Variants in RGS3 observed in about 807,000 individuals in gnomAD.
The protein encoded by RGS3 is regulator of G-protein signalling 3.
RGS3 carries 80 observed loss-of-function variants against 132.6 expected under a neutral mutation model. The ratio of observed to expected loss-of-function variants is 0.60; its 90% confidence interval spans 0.50 to 0.73. RGS3 has a LOEUF of 0.73. Among genes scored for constraint, RGS3 ranks in the 30% least tolerant of loss-of-function variants. The pLI is 0.00. For synonymous variants in RGS3, 598 were observed against 620.6 expected (o/e 0.96, Z 0.54); for missense variants, 1,382 against 1,530.8 (o/e 0.90, Z 1.62).
rs143365351 is a variant in RGS3, at chr9:113,500,548, CAGTT to C, written c.897+2469_897+2472del. ...GTTTGACCATAACCTCTCCAGGCCT[CAGTT>C]TGTTTGTCAGTAAGATGAGGACGCT... On this transcript the variant is annotated intron_variant, in intron 10 of 24. Coordinates refer to ENST00000350696, the Ensembl canonical transcript of RGS3. Among the ~76,000 whole-genome samples, 1,339 of 152,250 alleles carry C rather than the reference CAGTT, an allele frequency of 8.8e-3. 17 individuals are homozygous for C. Among genetic ancestry groups the C allele is most frequent in the African/African-American group, 0.03 (1,266 of 41,534 alleles).
At chr9:113,526,957 A>C (rs566568434) in intron 17 of RGS3, among the ~76,000 whole-genome samples, 2 of 152,318 alleles carry the variant, frequency 1.3e-5, no homozygotes, top group South Asian at 4.1e-4. Flanking sequence ...TGTTTTCTAC[A>C]GCTGCAGCTC....
intron 3 of RGS3, among the ~76,000 whole-genome samples, chr9:113,468,945 A>G (rs1829735372): frequency 6.6e-6 from 1 of 151,782 alleles, no homozygotes; most frequent in Non-Finnish European, 1.5e-5. Context: ...TGTAGGCTCG[A>G]GAGGACTGCC....
chr9:113,584,230 CG>C lies in RGS3; in HGVS notation c.2820del (p.Thr941ArgfsTer66). ...GCGTGTGCAGAACTCGCTGCGGCGCCGGACGCACAGCGAGGGCAGCCTGCTG... is the reference window on the plus strand; with the variant it reads ...GCGTGTGCAGAACTCGCTGCGGCGCCGACGCACAGCGAGGGCAGCCTGCTG... On this transcript the variant is annotated frameshift_variant, in exon 20 of 25. Transcript: ENST00000350696. LOFTEE classifies it high-confidence loss of function. The C allele has an allele frequency of 6.2e-7, 1 of 1,612,454 alleles. No individual in the cohort carries two copies. The highest frequency in any genetic ancestry group is 1.3e-5 in the African/African-American group (1 of 74,706).
chr9:113,479,658 T>A, intron 4 of RGS3, 117 bp downstream of exon 2: 1 of 892,804 alleles, frequency 1.1e-6, no homozygotes, highest in Non-Finnish European at 1.8e-6. Context: ...CTCATCCTTG[T>A]ATAAAGGATG....
chr9:113,506,345 T>C lies in RGS3; in HGVS notation c.980-43T>C. ...GACTCCAGATCCTTTGAAGGGGTCT[T>C]AGGCTTCAGGGGCCCCTGAATGGCT... On this transcript the variant is annotated intron_variant, in intron 11 of 24. Transcript: ENST00000350696. The surrounding 1 kb of genome is among the most constrained non-coding windows in gnomAD (Gnocchi z 4.7). 1 of 1,314,954 alleles carries C rather than the reference T, an allele frequency of 7.6e-7. No homozygotes were observed. Among genetic ancestry groups the C allele is most frequent in the Non-Finnish European group, 1.1e-6 (1 of 928,618 alleles). 81.5% of individuals were successfully genotyped at this position (1,314,954 alleles called of 1,614,324 possible).
rs12551026 is a variant in RGS3 at position 113,514,301 on chromosome 9, C to T, written c.1478-157C>T. On this transcript the variant is annotated intron_variant, in intron 14 of 24. Coordinates refer to ENST00000350696, the Ensembl canonical transcript of RGS3. ...CTTGAAGCCCGAGCCCATGTGAAGCCTCCCTGTGTTTCAGCATCGTGCGCA... is the reference window on the plus strand; with the variant it reads ...CTTGAAGCCCGAGCCCATGTGAAGCTTCCCTGTGTTTCAGCATCGTGCGCA... Among the ~76,000 whole-genome samples, 1,277 of 152,272 alleles carry T rather than the reference C, an allele frequency of 8.4e-3. 47 individuals carry two copies. In the South Asian group the frequency reaches 0.085, roughly 10 times the overall value.
chr9:113,505,517 G>A, exon 11 of RGS3: 1 of 1,614,110 alleles, frequency 6.2e-7, no homozygotes, highest in Non-Finnish European at 8.5e-7. Context: ...CCAGGCCGTG[G>A]ATTCCGGTAA....
chr9:113,567,241 T>TCCCC (rs1834055125), intron 19 of RGS3, among the ~76,000 whole-genome samples: 1 of 36,408 alleles, frequency 2.7e-5, no homozygotes, highest in African/African-American at 1.0e-4. Flanking sequence ...TCCCCTCCCC[T>TCCCC]CCCCCTCCAT....
chr9:113,583,698 G>C, exon 20 of RGS3: 2 of 1,614,020 alleles, frequency 1.2e-6, no homozygotes, highest in South Asian at 1.1e-5. Context: ...CGCCCAGCAA[G>C]GATGTGCCAC....
rs183128380 is a variant in RGS3 at position 113,449,840 on chromosome 9, T to G, written c.-13+4913T>G. Among the ~76,000 whole-genome samples the G allele has an allele frequency of 2.6e-3, 386 of 150,702 alleles. 6 individuals are homozygous for G. The highest frequency in any genetic ancestry group is 9.6e-4 in the Non-Finnish European group (65 of 67,774). Reference sequence around the variant, plus strand: ...TCACTGCAACCTCTGCCTCCCAGGTTCAAGTGATTCTCCTGCCTCAGCCTC... The same window carrying G: ...TCACTGCAACCTCTGCCTCCCAGGTGCAAGTGATTCTCCTGCCTCAGCCTC... On this transcript the variant is annotated intron_variant, in intron 1 of 25. Coordinates refer to the RGS3 transcript ENST00000374140.
At chr9:113,480,936 C>G (rs552421540) in intron 4 of RGS3, among the ~76,000 whole-genome samples, 1 of 152,226 alleles carries the variant, frequency 6.6e-6, no homozygotes, top group Non-Finnish European at 1.5e-5. Context: ...TGGCTCTTGC[C>G]GCTGACGGTA....
intron 7 of RGS3, among the ~76,000 whole-genome samples, chr9:113,490,965 TTATA>T (rs1444139241): frequency 6.8e-5 from 9 of 132,460 alleles, no homozygotes; most frequent in Admixed American, 2.4e-4. Flanking sequence ...GTATATATAA[TTATA>T]TATAACTTAA....
chr9:113,464,646 A>C lies in RGS3; in HGVS notation c.415+2445A>C, dbSNP rs1829569143. ...GGAGAGGGGTTATTTTTCCTCTGTG[A>C]AGACTTGAAACCAAGAGATCTTCCA... On this transcript the variant is annotated intron_variant, in intron 3 of 24. Transcript: ENST00000350696. 2.0e-5 allele frequency among the ~76,000 whole-genome samples: 3 copies of C among 152,200 alleles called. 1 individual carries two copies. The South Asian group carries it at 6.2e-4, about 31-fold the overall frequency.
At chr9:113,563,702 G>A (rs1833882723) in intron 19 of RGS3, among the ~76,000 whole-genome samples, 1 of 152,210 alleles carries the variant, frequency 6.6e-6, no homozygotes, top group Non-Finnish European at 1.5e-5. Flanking sequence ...ACTGGTTGGA[G>A]TTTGTAAGTG....
rs921380131 is a variant in RGS3, at chr9:113,582,140, A to G, written c.2038-1310A>G. On this transcript the variant is annotated intron_variant, in intron 19 of 24. Coordinates refer to ENST00000350696, the Ensembl canonical transcript of RGS3. ...TGCCCCAAGCCATGGCTGAACACTG[A>G]CTCCCAGCTGTGGGGCTTCACCATT... The G allele has an allele frequency of 6.1e-6, 6 of 984,956 alleles. No individual in the cohort carries two copies. The African/African-American group carries it at 1.1e-4, about 17-fold the overall frequency. 61.0% of individuals were successfully genotyped at this position (984,956 alleles called of 1,614,324 possible).
At chr9:113,515,296 T>C (rs1831597637) in intron 15 of RGS3, among the ~76,000 whole-genome samples, 1 of 150,916 alleles carries the variant, frequency 6.6e-6, no homozygotes. Context: ...CTCTTCTTCT[T>C]CCCCCTTTTC....
At chr9:113,448,305 A>G (rs1829158998) in intron 1 of RGS3, among the ~76,000 whole-genome samples, 1 of 152,162 alleles carries the variant, frequency 6.6e-6, no homozygotes, top group Admixed American at 6.6e-5. Flanking sequence ...AGGCAGGGCT[A>G]TGACCTGGCT....
chr9:113,596,130 T>C lies in RGS3; in HGVS notation c.3411+365T>C, dbSNP rs536540300. 2.0e-5 allele frequency among the ~76,000 whole-genome samples: 3 copies of C among 152,204 alleles called. No homozygotes were observed. In the South Asian group the frequency reaches 6.2e-4, roughly 32 times the overall value. On this transcript the variant is annotated intron_variant, in intron 24 of 24. Coordinates refer to ENST00000350696, the Ensembl canonical transcript of RGS3. ...CAGGCGGATCACTTGAGGTCAGGAG[T>C]TCGAGACCAGCCTGGCCAACAGGGC...
intron 1 of RGS3, among the ~76,000 whole-genome samples, chr9:113,449,897 C>G (rs1004338508): frequency 2.0e-4 from 31 of 151,660 alleles, no homozygotes; most frequent in African/African-American, 7.0e-4. Context: ...TGCCCGCCCC[C>G]ACTCTTGGCT....
Sources: allele counts gnomAD v4.1 joint callset (sites outside exome capture counted in the v4.1 genomes callset), GRCh38; gene constraint gnomAD v4.1.1; non-coding constraint Gnocchi (gnomAD v3.1); transcripts MANE v1.5; gene names NCBI Gene and HGNC (gene_info 2026-07-23, HGNC 2026-07-21).